The following LYPLAL1 variants were observed in gnomAD, a reference collection of about 807,000 sequenced individuals.
The protein encoded by LYPLAL1 is lysophospholipase-like protein 1.
Under a neutral mutation model 19.7 loss-of-function variants are expected in LYPLAL1, and 23 were observed. That is an observed-to-expected ratio of 1.17 (90% CI 0.84 to 1.65). The LOEUF is 1.65. Ranked by LOEUF, LYPLAL1 falls within the 40% of genes most tolerant of loss-of-function variation. The pLI, the probability that LYPLAL1 is intolerant of heterozygous loss-of-function variation, is 0.00. For missense variants in LYPLAL1, 355 were observed against 279.4 expected, an observed-to-expected ratio of 1.27 and a Z score of -1.93; for synonymous variants, 119 against 96.3, an observed-to-expected ratio of 1.24 and a Z score of -1.38.
At chr1:219,372,801 G>A in the LYPLAL1 span, among the ~76,000 whole-genome samples, 9 of 152,092 alleles carry the variant, frequency 5.9e-5, no homozygotes, top group Non-Finnish European at 1.3e-4. Context: ...CTACCCGGGA[G>A]GCTGAGGTGG....
chr1:219,226,788 T>C, the LYPLAL1 span, among the ~76,000 whole-genome samples: 2 of 152,230 alleles, frequency 1.3e-5, no homozygotes, highest in African/African-American at 4.8e-5. Flanking sequence ...GAAGAGTTAA[T>C]TTTCAAGCAA....
At chr1:219,191,079 C>T (rs552495894) in intron 2 of LYPLAL1, among the ~76,000 whole-genome samples, 1 of 151,702 alleles carries the variant, frequency 6.6e-6, no homozygotes, top group Admixed American at 6.6e-5. Flanking sequence ...AATTGATACT[C>T]TTAAATGGTA....
chr1:219,298,860 G>T, the LYPLAL1 span, among the ~76,000 whole-genome samples: 1 of 152,166 alleles, frequency 6.6e-6, no homozygotes, highest in Admixed American at 6.6e-5. Context: ...TTATCTGGAA[G>T]AGTAATATAA....
the LYPLAL1 span, among the ~76,000 whole-genome samples, chr1:219,439,719 T>C: frequency 6.6e-6 from 1 of 152,074 alleles, no homozygotes; most frequent in African/African-American, 2.4e-5. Flanking sequence ...GCATTGTGGA[T>C]ATATACTGTT....
At chr1:219,220,795 G>A in the LYPLAL1 span, among the ~76,000 whole-genome samples, 1 of 152,038 alleles carries the variant, frequency 6.6e-6, no homozygotes, top group Non-Finnish European at 1.5e-5. Flanking sequence ...TGCAATAAAA[G>A]GCACATTATT....
the LYPLAL1 span, among the ~76,000 whole-genome samples, chr1:219,427,355 C>T: frequency 6.6e-6 from 1 of 152,178 alleles, no homozygotes; most frequent in Non-Finnish European, 1.5e-5. Context: ...TTATGGGTTA[C>T]TCCTTTTGAA....
the LYPLAL1 span, among the ~76,000 whole-genome samples, chr1:219,254,980 T>G: frequency 5.3e-5 from 8 of 152,088 alleles, no homozygotes; most frequent in Middle Eastern, 3.4e-3. Flanking sequence ...CTTTTTTATT[T>G]ATTTTTGTCT....
chr1:219,385,038 A>AG, the LYPLAL1 span, among the ~76,000 whole-genome samples: 31 of 152,266 alleles, frequency 2.0e-4, no homozygotes, highest in South Asian at 6.2e-3. Context: ...TTTTTCTCCC[A>AG]GTAATGTTCT....
chr1:219,326,424 T>A, the LYPLAL1 span, among the ~76,000 whole-genome samples: 1 of 152,134 alleles, frequency 6.6e-6, no homozygotes, highest in Non-Finnish European at 1.5e-5. Context: ...AGTTTGTGCC[T>A]CCAGGAAGGA....
At chr1:219,243,688 G>C in the LYPLAL1 span, among the ~76,000 whole-genome samples, 1 of 152,090 alleles carries the variant, frequency 6.6e-6, no homozygotes, top group East Asian at 1.9e-4. Context: ...GGGAGGCCGA[G>C]GTGGGTGGAT....
chr1:219,190,230 A>G (rs1334657016), intron 2 of LYPLAL1, among the ~76,000 whole-genome samples: 1 of 151,614 alleles, frequency 6.6e-6, no homozygotes, highest in Non-Finnish European at 1.5e-5. Context: ...AGTTCATTAT[A>G]TATAGCATAT....
chr1:219,398,808 T>G, the LYPLAL1 span, among the ~76,000 whole-genome samples: 1 of 152,138 alleles, frequency 6.6e-6, no homozygotes, highest in Non-Finnish European at 1.5e-5. Context: ...TTCTGAAAGA[T>G]TTTAGGGGGC....
the LYPLAL1 span, among the ~76,000 whole-genome samples, chr1:219,331,494 A>G: frequency 2.0e-5 from 3 of 152,204 alleles, no homozygotes; most frequent in Non-Finnish European, 4.4e-5. Flanking sequence ...TGGACCAGCC[A>G]GGACTTAACT....
the LYPLAL1 span, among the ~76,000 whole-genome samples, chr1:219,366,678 A>G: frequency 0.014 from 2,170 of 152,302 alleles, 48 homozygotes; most frequent in African/African-American, 0.049. Flanking sequence ...ATCAAGTTAC[A>G]TGGCCAAACC....
chr1:219,242,151 A>G, the LYPLAL1 span, among the ~76,000 whole-genome samples: 1 of 152,234 alleles, frequency 6.6e-6, no homozygotes, highest in Non-Finnish European at 1.5e-5. Context: ...TATCAGGCTA[A>G]GAACTATGTC....
chr1:219,195,533 C>G (rs1657531820), intron 3 of LYPLAL1, among the ~76,000 whole-genome samples: 2 of 152,040 alleles, frequency 1.3e-5, no homozygotes, highest in Admixed American at 1.3e-4. Context: ...TGAATGGTAA[C>G]TGCTGTCCAT....
the LYPLAL1 span, among the ~76,000 whole-genome samples, chr1:219,226,477 C>T: frequency 6.6e-6 from 1 of 152,164 alleles, no homozygotes; most frequent in Non-Finnish European, 1.5e-5. Context: ...AATATTCTTC[C>T]CTGAGAAGCC....
the LYPLAL1 span, among the ~76,000 whole-genome samples, chr1:219,235,371 A>G: frequency 2.0e-5 from 3 of 152,230 alleles, no homozygotes; most frequent in Non-Finnish European, 4.4e-5. Context: ...ATCCTTGATT[A>G]CTACCAGACC....
the LYPLAL1 span, among the ~76,000 whole-genome samples, chr1:219,441,725 C>T: frequency 0.82 from 124,653 of 152,094 alleles, 51,525 homozygotes; most frequent in African/African-American, 0.89. Context: ...TATAGCAGAG[C>T]GAGAGACAGA....
Sources: gnomAD v4.1 joint callset for allele counts (sites outside exome capture counted in the v4.1 genomes callset) on GRCh38, gnomAD v4.1.1 for gene constraint, MANE v1.5 for transcripts, NCBI Gene and HGNC (gene_info 2026-07-23, HGNC 2026-07-21) for gene names.